The following CPNE4 variants were observed in gnomAD, a reference collection of about 807,000 sequenced individuals.
CPNE4 encodes copine 4.
Under a neutral mutation model 67.9 loss-of-function variants are expected in CPNE4, and 25 were observed. The observed-to-expected ratio is 0.37, with a 90% CI of 0.27 to 0.51. CPNE4 has a LOEUF of 0.51. CPNE4 is among the 20% of genes least tolerant of loss of function. The pLI is 0.93. For synonymous variants in CPNE4, 242 were observed against 244.9 expected (o/e 0.99, Z 0.11); for missense variants, 464 against 690.8 (o/e 0.67, Z 3.68).
chr3:131,601,043 G>A (rs1193641158), intron 7 of CPNE4, among the ~76,000 whole-genome samples: 1 of 152,046 alleles, frequency 6.6e-6, no homozygotes, highest in East Asian at 1.9e-4. Context: ...TCAGGAGAGA[G>A]AACACTTTGA....
At position 131,849,686 on chromosome 3, in the gene CPNE4, T is replaced by A. The variant is rs556162608; in HGVS notation, c.180+55578A>T. ...TTAAGAGTCCTTGTTTGATTATTCT[T>A]GCTCTCCGGGACTTTTGCCATTACC... On this transcript the variant is annotated intron_variant, in intron 2 of 15. Coordinates refer to ENST00000429747, the MANE Select transcript of CPNE4 (RefSeq NM_130808.3). Among the ~76,000 whole-genome samples the A allele has an allele frequency of 7.2e-5, 11 of 152,246 alleles. 1 individual carries two copies. The South Asian group carries it at 2.3e-3, about 32-fold the overall frequency.
At chr3:132,009,966 C>A (rs1186227583) in intron 1 of CPNE4, among the ~76,000 whole-genome samples, 2 of 152,162 alleles carry the variant, frequency 1.3e-5, no homozygotes, top group Non-Finnish European at 2.9e-5. Flanking sequence ...AAGTTGAGAA[C>A]CCTTGGGTTA....
chr3:131,548,416 A>G (rs1382925559), intron 14 of CPNE4, among the ~76,000 whole-genome samples: 1 of 151,862 alleles, frequency 6.6e-6, no homozygotes, highest in African/African-American at 2.4e-5. Flanking sequence ...AGGTTAGTAG[A>G]TGCACCTAAA....
At chr3:132,007,047 T>C (rs2073627815) in intron 1 of CPNE4, among the ~76,000 whole-genome samples, 2 of 152,166 alleles carry the variant, frequency 1.3e-5, no homozygotes. Flanking sequence ...CCTTTATTTT[T>C]TGTTAATGAT....
intron 7 of CPNE4, among the ~76,000 whole-genome samples, chr3:131,659,402 T>C (rs1332025269): frequency 6.6e-6 from 1 of 152,156 alleles, no homozygotes; most frequent in African/African-American, 2.4e-5. Context: ...ATGGATTAAA[T>C]AATGTGAGGA....
chr3:131,822,728 A>G (rs2085003565), intron 2 of CPNE4, among the ~76,000 whole-genome samples: 1 of 152,216 alleles, frequency 6.6e-6, no homozygotes, highest in Non-Finnish European at 1.5e-5. Flanking sequence ...CCATTTGGGA[A>G]GTATTCCTGT....
chr3:131,703,694 G>A (rs1399383283), intron 3 of CPNE4, among the ~76,000 whole-genome samples: 1 of 152,108 alleles, frequency 6.6e-6, no homozygotes, highest in Non-Finnish European at 1.5e-5. Flanking sequence ...CATTTTTCAT[G>A]AGGCTGTTTT....
chr3:131,864,412 G>A lies in CPNE4; in HGVS notation c.180+40852C>T, dbSNP rs2086840355. Among the ~76,000 whole-genome samples the A allele has an allele frequency of 3.3e-5, 5 of 152,010 alleles. No individual in the cohort carries two copies. The South Asian group carries it at 1.0e-3, about 32-fold the overall frequency. On this transcript the variant is annotated intron_variant, in intron 2 of 15. Coordinates refer to ENST00000429747, the MANE Select transcript of CPNE4 (RefSeq NM_130808.3). ...AGTGGTTTGTAGTTCTCCTTGAAGAGGTCCTTCATGTTCCTTGTAAGTTGG... is the reference window on the plus strand; with the variant it reads ...AGTGGTTTGTAGTTCTCCTTGAAGAAGTCCTTCATGTTCCTTGTAAGTTGG...
At chr3:131,633,400 T>A (rs756668572) in intron 7 of CPNE4, among the ~76,000 whole-genome samples, 1 of 152,084 alleles carries the variant, frequency 6.6e-6, no homozygotes, top group Non-Finnish European at 1.5e-5. Flanking sequence ...GAAATCTTTA[T>A]AAAAGTTGAC....
At chr3:131,555,822 C>T (rs891073806) in intron 11 of CPNE4, among the ~76,000 whole-genome samples, 1 of 152,044 alleles carries the variant, frequency 6.6e-6, no homozygotes, top group African/African-American at 2.4e-5. Context: ...AATAAAATGG[C>T]CCTACCCTTT....
At chr3:131,861,764 A>G (rs138971798) in intron 2 of CPNE4, among the ~76,000 whole-genome samples, 3 of 152,320 alleles carry the variant, frequency 2.0e-5, no homozygotes, top group African/African-American at 7.2e-5. Flanking sequence ...AGGAGAAATA[A>G]GAATATATTG....
chr3:131,627,247 C>T (rs2107770543), intron 7 of CPNE4, among the ~76,000 whole-genome samples: 1 of 150,860 alleles, frequency 6.6e-6, no homozygotes, highest in East Asian at 2.0e-4. Context: ...GCTAAATCTA[C>T]TCTACCTGTG....
chr3:131,612,768 G>A (rs766872471), intron 7 of CPNE4, among the ~76,000 whole-genome samples: 5 of 152,146 alleles, frequency 3.3e-5, no homozygotes, highest in African/African-American at 4.8e-5. Context: ...GCAGTTAGTT[G>A]TTGTCTATTG....
intron 2 of CPNE4, among the ~76,000 whole-genome samples, chr3:131,790,047 G>A (rs1307138213): frequency 6.6e-6 from 1 of 152,106 alleles, no homozygotes; most frequent in Non-Finnish European, 1.5e-5. Flanking sequence ...AATAGGAGAG[G>A]AAATCAAGGA....
intron 1 of CPNE4, among the ~76,000 whole-genome samples, chr3:131,973,751 A>G (rs1392838600): frequency 1.3e-5 from 2 of 152,234 alleles, no homozygotes; most frequent in African/African-American, 4.8e-5. Flanking sequence ...ATAGCAGTGG[A>G]AGAATGGGCA....
At chr3:131,723,653 G>A in intron 2 of CPNE4, 28 bp from the exon 3 acceptor site, 1 of 1,581,992 alleles carries the variant, frequency 6.3e-7, no homozygotes, top group Non-Finnish European at 8.7e-7. Flanking sequence ...AAACCTATCA[G>A]AGATAAGGAT....
chr3:131,944,716 CTT>C (rs200323214), intron 1 of CPNE4, among the ~76,000 whole-genome samples: 13,187 of 152,092 alleles, frequency 0.087, 683 homozygotes, highest in Middle Eastern at 0.12. Context: ...CAATTTACAT[CTT>C]AATTTTTTTA....
At chr3:131,658,785 T>A (rs1416477486) in intron 7 of CPNE4, among the ~76,000 whole-genome samples, 1 of 152,202 alleles carries the variant, frequency 6.6e-6, no homozygotes, top group African/African-American at 2.4e-5. Flanking sequence ...CTGATCTTCT[T>A]CCTAAGAGAC....
intron 3 of CPNE4, among the ~76,000 whole-genome samples, chr3:131,706,509 G>C (rs2081417060): frequency 6.6e-6 from 1 of 152,132 alleles, no homozygotes; most frequent in African/African-American, 2.4e-5. Context: ...TAAGCCCCCT[G>C]ACCATCTGAA....
Sources: allele counts gnomAD v4.1 joint callset (sites outside exome capture counted in the v4.1 genomes callset), GRCh38; gene constraint gnomAD v4.1.1; transcripts MANE v1.5; gene names NCBI Gene and HGNC (gene_info 2026-07-23, HGNC 2026-07-21).